HSPA4L: variants seen among roughly 807,000 people sequenced by gnomAD.
HSPA4L encodes the protein heat shock 70 kDa protein 4L.
Under a neutral mutation model 100.3 loss-of-function variants are expected in HSPA4L, and 48 were observed. The ratio of observed to expected loss-of-function variants is 0.48; its 90% CI spans 0.38 to 0.61. The LOEUF is 0.61. HSPA4L is among the 20% of genes least tolerant of loss of function. The pLI is 0.00. For synonymous variants in HSPA4L, 319 were observed against 328.2 expected, an observed-to-expected ratio of 0.97 and a Z score of 0.30; for missense variants, 886 against 988.6, an observed-to-expected ratio of 0.90 and a Z score of 1.39.
Position 127,811,420 on chromosome 4 carries a change from G to A in HSPA4L, c.1379-17G>A, listed in dbSNP as rs1179639380. ...ATCTGAGGCTCACATACTGATTGGAGTTCTTTTTTCCTTAAGGGAGCTTCA... is the reference window on the plus strand; with the variant it reads ...ATCTGAGGCTCACATACTGATTGGAATTCTTTTTTCCTTAAGGGAGCTTCA... On this transcript the variant is annotated splice_polypyrimidine_tract_variant and intron_variant, in intron 11 of 18. Coordinates refer to ENST00000296464, the MANE Select transcript of HSPA4L (RefSeq NM_014278.4). The A allele has an allele frequency of 1.2e-6, 2 of 1,601,038 alleles. No individual in the cohort carries two copies. The highest frequency in any genetic ancestry group is 1.7e-4 in the Middle Eastern group (1 of 6,044).
chr4:127,791,294 G>A (rs553285316), intron 1 of HSPA4L, among the ~76,000 whole-genome samples: 11 of 151,952 alleles, frequency 7.2e-5, no homozygotes, highest in Non-Finnish European at 1.6e-4. Context: ...GCTTCCCTGG[G>A]CCCCATTGGA....
At chr4:127,822,190 C>T (rs1371445432) in intron 14 of HSPA4L, among the ~76,000 whole-genome samples, 1 of 152,146 alleles carries the variant, frequency 6.6e-6, no homozygotes, top group Non-Finnish European at 1.5e-5. Context: ...TCCCTTCTCC[C>T]AGTTCCCTAC....
rs1733725440 is a variant in HSPA4L, at chr4:127,818,311, T to C, written c.1579-14T>C. On this transcript the variant is annotated splice_polypyrimidine_tract_variant and intron_variant, in intron 12 of 18. Transcript: ENST00000296464. The stretch of plus-strand genomic sequence containing the variant: ...GACACTGCGTATATTATCAATTATG[T>C]ATTTTCTTTCTAGGATAAAATGCAG... The C allele has an allele frequency of 6.4e-7, 1 of 1,558,004 alleles. No homozygotes were observed. Among genetic ancestry groups the C allele is most frequent in the Non-Finnish European group, 8.8e-7 (1 of 1,132,282 alleles).
intron 17 of HSPA4L, among the ~76,000 whole-genome samples, chr4:127,828,079 CTG>C (rs1193034125): frequency 9.2e-5 from 14 of 151,996 alleles, no homozygotes; most frequent in Non-Finnish European, 1.8e-4. Flanking sequence ...GTAGTTTTTA[CTG>C]TGTCTGTACA....
At chr4:127,823,661 TA>T (rs758286601) in intron 16 of HSPA4L, 37 bp downstream of exon 16, 1 of 1,312,838 alleles carries the variant, frequency 7.6e-7, no homozygotes, top group East Asian at 2.3e-5. Flanking sequence ...TATAAACCAG[TA>T]ACTTTTTCTA....
intron 11 of HSPA4L, among the ~76,000 whole-genome samples, chr4:127,808,558 T>A (rs1733429236): frequency 6.6e-6 from 1 of 152,156 alleles, no homozygotes; most frequent in Non-Finnish European, 1.5e-5. Context: ...TCATTTTTTT[T>A]AATAAGGGAC....
chr4:127,823,568 GA>G lies in HSPA4L; in HGVS notation c.1992del (p.Asp665ThrfsTer17). On this transcript the variant is annotated frameshift_variant, in exon 16 of 19. Transcript: ENST00000296464. LOFTEE classifies it high-confidence loss of function. ...VLEDTENWLY[E>X]DGEDQPKQVY... ...GGAAGACACAGAAAATTGGCTTTAT[GA>G]AGACGGAGAGGACCAACCTAAACAA... 6.2e-7 allele frequency: 1 copy of G among 1,613,886 alleles called. No homozygotes were observed. The highest frequency in any genetic ancestry group is 1.1e-5 in the South Asian group (1 of 91,076).
At chr4:127,789,245 G>A (rs987301568) in intron 1 of HSPA4L, among the ~76,000 whole-genome samples, 2 of 152,178 alleles carry the variant, frequency 1.3e-5, no homozygotes, top group African/African-American at 2.4e-5. Flanking sequence ...AGGAACATAG[G>A]ACATTTAGAA....
Position 127,820,565 on chromosome 4 carries a change from G to C in HSPA4L, c.1812G>C (p.Glu604Asp). 6.3e-7 allele frequency: 1 copy of C among 1,595,974 alleles called. No individual in the cohort carries two copies. Among genetic ancestry groups the C allele is most frequent in the Non-Finnish European group, 8.5e-7 (1 of 1,173,768 alleles). Residue 604 changes from glutamate to aspartate, a missense_variant and splice_region_variant, in exon 14 of 19, where the codon GAG (glutamate) becomes GAC (aspartate). By Grantham distance (45) the Glu-to-Asp change is conservative (BLOSUM62 2). Coordinates refer to ENST00000296464, the MANE Select transcript of HSPA4L (RefSeq NM_014278.4). ...QDLLNSYIEN[E>D]GKMIMQDKLE... ...TTCTCAACAGCTACATTGAAAATGA[G>C]GTATGTAAATCTGAGTTGATGCTGA...
rs1392391295 is a variant in HSPA4L at position 127,823,429 on chromosome 4, A to G, written c.1939-88A>G. The G allele has an allele frequency of 1.4e-5, 12 of 849,708 alleles. No homozygotes were observed. In the Admixed American group the frequency reaches 2.1e-4, roughly 15 times the overall value. 52.6% of individuals were successfully genotyped at this position (849,708 alleles called of 1,614,324 possible). On this transcript the variant is annotated intron_variant, in intron 15 of 18. Coordinates refer to ENST00000296464, the MANE Select transcript of HSPA4L (RefSeq NM_014278.4). The stretch of plus-strand genomic sequence containing the variant: ...CTTTCAAAGTGTTGGGATTACAGGC[A>G]TGAGGCACTGCACTGCACTGAGCCC...
Position 127,801,800 on chromosome 4 carries a change from G to A in HSPA4L, c.545G>A (p.Gly182Glu). The change falls in exon 6 of 19, where the codon GGA becomes GAA. Residue 182 changes from glycine to glutamate, a missense_variant. Gly to Glu is a moderately conservative substitution (Grantham distance 98). Coordinates refer to ENST00000296464, the MANE Select transcript of HSPA4L (RefSeq NM_014278.4). ...NETTAVALAY[G>E]IYKQDLPPLD... ...TCTTATACAGTTGCACTGGCGTATG[G>A]AATTTATAAACAGGATCTTCCCCCA... 1 of 1,607,746 alleles carries A rather than the reference G, an allele frequency of 6.2e-7. No homozygotes were observed. Among genetic ancestry groups the A allele is most frequent in the Non-Finnish European group, 8.5e-7 (1 of 1,177,304 alleles).
At chr4:127,797,876 C>CTTTGT (rs1357626185) in intron 3 of HSPA4L, among the ~76,000 whole-genome samples, 2 of 152,098 alleles carry the variant, frequency 1.3e-5, no homozygotes, top group East Asian at 3.9e-4. Flanking sequence ...CCTGGGATTA[C>CTTTGT]ATAGAATATT....
chr4:127,800,518 T>C (rs1733147050), intron 4 of HSPA4L, among the ~76,000 whole-genome samples: 1 of 152,178 alleles, frequency 6.6e-6, no homozygotes, highest in African/African-American at 2.4e-5. Context: ...TGTATGTATG[T>C]ATGTATATTT....
At chr4:127,823,101 A>G (rs764403923) in intron 15 of HSPA4L, among the ~76,000 whole-genome samples, 1 of 152,164 alleles carries the variant, frequency 6.6e-6, no homozygotes, top group Non-Finnish European at 1.5e-5. Context: ...TTGAAATTTA[A>G]TATTTTATAC....
In HSPA4L at chr4:127,807,983, C is replaced by T; in HGVS notation, c.1245-13C>T. On this transcript the variant is annotated splice_polypyrimidine_tract_variant and intron_variant, in intron 10 of 18. Coordinates refer to ENST00000296464, the MANE Select transcript of HSPA4L (RefSeq NM_014278.4). The stretch of plus-strand genomic sequence containing the variant: ...CTATTTGTTTCTAAGTGAGTTCTTT[C>T]CCTCCATTTTAGGGAATGTGAAGTT... 1.9e-6 allele frequency: 3 copies of T among 1,603,600 alleles called. No individual in the cohort carries two copies. Among genetic ancestry groups the T allele is most frequent in the Non-Finnish European group, 2.5e-6 (3 of 1,177,098 alleles).
At chr4:127,823,476 G>A (rs1733864728) in intron 15 of HSPA4L, 41 bp from the exon 16 acceptor site, 1 of 1,384,392 alleles carries the variant, frequency 7.2e-7, no homozygotes, top group Non-Finnish European at 1.0e-6. Flanking sequence ...TTATTTCTAA[G>A]GAAAGTATTT....
chr4:127,798,728 A>G lies in HSPA4L; in HGVS notation c.429+19A>G, dbSNP rs774746149. The G allele has an allele frequency of 3.1e-6, 5 of 1,610,586 alleles. No individual in the cohort carries two copies. The African/African-American group carries it at 5.3e-5, about 17-fold the overall frequency. On this transcript the variant is annotated intron_variant, in intron 4 of 18. Transcript: ENST00000296464. ...GATTTCAGTAAGTTTTACTTCAGTA[A>G]TGAATACCCTTGAATTATATTTTAC...
chr4:127,823,695 G>A, intron 16 of HSPA4L, 71 bp downstream of exon 16: 1 of 813,724 alleles, frequency 1.2e-6, no homozygotes, highest in Non-Finnish European at 2.0e-6. Context: ...TAAGAGCACA[G>A]TTTATGTTCT....
intron 8 of HSPA4L, 99 bp from the exon 9 acceptor site, chr4:127,804,974 A>G: frequency 3.1e-6 from 2 of 645,256 alleles, no homozygotes; most frequent in Non-Finnish European, 5.2e-6. Context: ...ATTTTCTGAC[A>G]AGTAAAAAGT....
Sources: gnomAD v4.1 joint callset for allele counts (sites outside exome capture counted in the v4.1 genomes callset) on GRCh38, gnomAD v4.1.1 for gene constraint, MANE v1.5 for transcripts, NCBI Gene and HGNC (gene_info 2026-07-23, HGNC 2026-07-21) for gene names.